CACNA1A: variants seen among roughly 807,000 people sequenced by gnomAD.
The protein encoded by CACNA1A is voltage-dependent P/Q-type calcium channel subunit alpha-1A.
CACNA1A carries 57 observed loss-of-function variants against 262.4 expected under a neutral mutation model. That is an observed-to-expected ratio of 0.22 (90% CI 0.18 to 0.27). CACNA1A has a LOEUF of 0.27. CACNA1A is among the 10% of genes least tolerant of loss of function. CACNA1A has a pLI of 1.00. For missense variants in CACNA1A, 2,526 were observed against 3,562.8 expected, an observed-to-expected ratio of 0.71 and a Z score of 7.41; for synonymous variants, 1,431 against 1,419.3, an observed-to-expected ratio of 1.01 and a Z score of -0.18.
chr19:13,292,611 G>A (rs757029898), intron 19 of CACNA1A, among the ~76,000 whole-genome samples: 9 of 151,306 alleles, frequency 5.9e-5, no homozygotes, highest in Non-Finnish European at 1.3e-4. Flanking sequence ...GCGAGACCAT[G>A]TCTCAAAAAA....
At chr19:13,259,736 A>G in intron 26 of CACNA1A, 35 bp from the exon 27 acceptor site, 1 of 1,605,596 alleles carries the variant, frequency 6.2e-7, no homozygotes, top group Non-Finnish European at 8.5e-7. Context: ...AGTAAATGGG[A>G]AAGAGGGGCT....
chr19:13,501,329 C>A (rs1298787868), intron 1 of CACNA1A, among the ~76,000 whole-genome samples: 1 of 151,726 alleles, frequency 6.6e-6, no homozygotes, highest in Non-Finnish European at 1.5e-5. Context: ...ACGCACAATA[C>A]CACGCCTGGC....
At chr19:13,491,179 G>A (rs1184565083) in intron 1 of CACNA1A, among the ~76,000 whole-genome samples, 1 of 152,138 alleles carries the variant, frequency 6.6e-6, no homozygotes, top group Admixed American at 6.5e-5. Flanking sequence ...TCCTTGCTGT[G>A]CCTTCACCTG....
chr19:13,217,271 G>A (rs1009217749), intron 38 of CACNA1A, among the ~76,000 whole-genome samples: 1 of 152,070 alleles, frequency 6.6e-6, no homozygotes, highest in Admixed American at 6.6e-5. Flanking sequence ...AGAATGAGAT[G>A]GACTTGCCCC....
chr19:13,300,570 C>G lies in CACNA1A; in HGVS notation c.2259G>C (p.Ala753=). 1 of 1,613,386 alleles carries G rather than the reference C, an allele frequency of 6.2e-7. No homozygotes were observed. The highest frequency in any genetic ancestry group is 8.5e-7 in the Non-Finnish European group (1 of 1,179,392). ...CTTACACAGCTATAGACATGTTGGC[C>G]GCGGACAGAGGACTCACTTCTGCCA... The part of the protein sequence containing the change: ...KEVAEVSPLS[A]ANMSIAVKEQ... The change falls in exon 18 of 47, where the codon GCG becomes GCC. Residue 753 remains alanine, a synonymous_variant. Coordinates refer to ENST00000360228, the MANE Select transcript of CACNA1A (RefSeq NM_001127222.2).
intron 46 of CACNA1A, among the ~76,000 whole-genome samples, chr19:13,208,399 G>A (rs1418168226): frequency 1.3e-5 from 2 of 152,196 alleles, no homozygotes; most frequent in African/African-American, 2.4e-5. Context: ...GCGTCCAGAG[G>A]ACAGAAATCA....
At position 13,207,571 on chromosome 19, in the gene CACNA1A, C is replaced by G; in HGVS notation, c.7263G>C (p.Pro2421=). 2 of 1,473,360 alleles carry G rather than the reference C, an allele frequency of 1.4e-6. No homozygotes were observed. Among genetic ancestry groups the G allele is most frequent in the Non-Finnish European group, 1.8e-6 (2 of 1,112,222 alleles). 91.3% of individuals were successfully genotyped at this position (1,473,360 alleles called of 1,614,324 possible). ...TGGCCTCCTCGCCGCCCCCGCTGCC[C>G]GGGCCATCGGCCTCGTCGTAGTCGG... is the stretch of plus-strand genomic sequence containing the variant. The part of the protein sequence containing the change: ...RGSDYDEADG[P]GSGGGEEAMA... Residue 2421 remains proline, a synonymous_variant, in exon 47 of 47, where the codon CCG becomes CCC. Transcript: ENST00000360228. The surrounding 1 kb of genome is among the most constrained non-coding windows in gnomAD (Gnocchi z 5.7).
At position 13,236,980 on chromosome 19, in the gene CACNA1A, T is replaced by C. The variant is rs2055899458; in HGVS notation, c.4951-1250A>G. ...TTTGTTGGGCCCGAGCAGTGTTTTT[T>C]CATTTGTCCTTGTTTTTAATTAAAA... On this transcript the variant is annotated intron_variant, in intron 31 of 46. Coordinates refer to ENST00000360228, the MANE Select transcript of CACNA1A (RefSeq NM_001127222.2). The surrounding 1 kb of genome is among the most constrained non-coding windows in gnomAD (Gnocchi z 4.6). Among the ~76,000 whole-genome samples the C allele has an allele frequency of 6.6e-6, 1 of 152,146 alleles. No individual in the cohort carries two copies. Among genetic ancestry groups the C allele is most frequent in the African/African-American group, 2.4e-5 (1 of 41,430 alleles).
intron 27 of CACNA1A, chr19:13,258,208 C>A (rs1335426584): frequency 1.3e-5 from 2 of 152,208 alleles, no homozygotes; most frequent in African/African-American, 4.8e-5. Flanking sequence ...GTGCTGAAGA[C>A]CACCCACTTA....
At chr19:13,312,862 A>G (rs2058059997) in intron 11 of CACNA1A, 81 bp from the exon 12 acceptor site, 2 of 660,550 alleles carry the variant, frequency 3.0e-6, no homozygotes, top group South Asian at 2.0e-5. Context: ...CTTTCCTTTT[A>G]TTATCATTTT....
At chr19:13,399,626 T>C (rs2059865851) in intron 3 of CACNA1A, among the ~76,000 whole-genome samples, 2 of 152,118 alleles carry the variant, frequency 1.3e-5, no homozygotes, top group African/African-American at 2.4e-5. Context: ...CAGAGATGGA[T>C]CCAAGCCCCA....
At chr19:13,244,972 G>C (rs1376802714) in intron 31 of CACNA1A, 1 of 588,652 alleles carries the variant, frequency 1.7e-6, no homozygotes, top group Admixed American at 3.0e-5. Flanking sequence ...CTACAGCCAA[G>C]CTTTGGTTAC....
intron 19 of CACNA1A, 52 bp downstream of exon 19, chr19:13,298,492 G>A: frequency 1.4e-6 from 2 of 1,451,184 alleles, no homozygotes; most frequent in Non-Finnish European, 1.9e-6. Flanking sequence ...TTTGGCTGTT[G>A]TCATTATTAA....
At chr19:13,290,709 G>A (rs2057514682) in intron 19 of CACNA1A, among the ~76,000 whole-genome samples, 1 of 151,944 alleles carries the variant, frequency 6.6e-6, no homozygotes, top group African/African-American at 2.4e-5. Flanking sequence ...CACCACGCCT[G>A]GCCCTGTGTA....
intron 6 of CACNA1A, among the ~76,000 whole-genome samples, chr19:13,340,256 C>T (rs148282349): frequency 1.3e-5 from 2 of 152,088 alleles, no homozygotes; most frequent in East Asian, 1.9e-4. Context: ...CCTGGGTCCT[C>T]GACAAGCTTG....
At chr19:13,306,369 A>G (rs1178019910) in intron 15 of CACNA1A, among the ~76,000 whole-genome samples, 1 of 151,604 alleles carries the variant, frequency 6.6e-6, no homozygotes, top group Non-Finnish European at 1.5e-5. Context: ...TGTATTAGCC[A>G]TTTTTTTTCT....
intron 1 of CACNA1A, among the ~76,000 whole-genome samples, chr19:13,465,658 G>C (rs1475144863): frequency 6.6e-6 from 1 of 151,836 alleles, no homozygotes; most frequent in Non-Finnish European, 1.5e-5. Flanking sequence ...CTAGTTTTTT[G>C]TAAATTGTTT....
intron 3 of CACNA1A, chr19:13,451,695 A>C (rs967691775): frequency 1.3e-5 from 2 of 152,232 alleles, no homozygotes; most frequent in African/African-American, 4.8e-5. Context: ...AACCTTTCCA[A>C]GTATCACCTT....
Position 13,209,412 on chromosome 19 carries a change from C to T in CACNA1A, c.6426G>A (p.Arg2142=). 1 of 1,394,942 alleles carries T rather than the reference C, an allele frequency of 7.2e-7. No homozygotes were observed. Among genetic ancestry groups the T allele is most frequent in the Non-Finnish European group, 9.3e-7 (1 of 1,070,594 alleles). 86.4% of individuals were successfully genotyped at this position (1,394,942 alleles called of 1,614,324 possible). Residue 2142 remains arginine (R), a synonymous_variant, in exon 45 of 47, where the codon CGG becomes CGA. Coordinates refer to ENST00000360228, the MANE Select transcript of CACNA1A (RefSeq NM_001127222.2). ...GCCGCTGGTTCTCCTCGGGCGGGACCCGCTCCAGCGAGTAATCGTCCAGGC... is the reference window on the plus strand; with the variant it reads ...GCCGCTGGTTCTCCTCGGGCGGGACTCGCTCCAGCGAGTAATCGTCCAGGC... ...ARRLDDYSLE[R]VPPEENQRHH... is the part of the protein sequence containing the mutation.
Sources: gnomAD v4.1 joint callset for allele counts (sites outside exome capture counted in the v4.1 genomes callset) on GRCh38, gnomAD v4.1.1 for gene constraint, Gnocchi (gnomAD v3.1) non-coding constraint, MANE v1.5 for transcripts, NCBI Gene and HGNC (gene_info 2026-07-23, HGNC 2026-07-21) for gene names.